The following PAQR5 variants were observed in gnomAD, a reference collection of about 807,000 sequenced individuals.
PAQR5 encodes progestin and adipoQ receptor family member 5.
PAQR5 carries 20 observed loss-of-function variants against 34.5 expected under a neutral mutation model. The observed-to-expected ratio is 0.58, with a 90% CI of 0.41 to 0.84. PAQR5 has a LOEUF of 0.84. Among genes scored for constraint, PAQR5 ranks in the 40% least tolerant of loss-of-function variants. The pLI is 0.00. For missense variants in PAQR5, 378 were observed against 412.7 expected (o/e 0.92, Z 0.73); for synonymous variants, 131 against 155.6 (o/e 0.84, Z 1.18).
chr15:69,403,633 G>C lies in PAQR5; in HGVS notation c.804G>C (p.Gln268His). ...HVCVILATHMQMEAILLDKTL... is the reference protein window; with the variant it reads ...HVCVILATHMHMEAILLDKTL... ...GTGTGATCCTGGCCACGCACATGCA[G>C]ATGGAAGCCATACTTCTGGACAAGA... is the stretch of plus-strand genomic sequence containing the variant. The change falls in exon 9 of 9, where the codon CAG becomes CAC. Residue 268 changes from glutamine (Q) to histidine (H), a missense_variant. Coordinates refer to ENST00000395407, the MANE Select transcript of PAQR5 (RefSeq NM_017705.4). 1 of 1,614,140 alleles carries C rather than the reference G, an allele frequency of 6.2e-7. No homozygotes were observed. The highest frequency in any genetic ancestry group is 8.5e-7 in the Non-Finnish European group (1 of 1,180,004).
Position 69,404,965 on chromosome 15 carries a change from T to C in PAQR5, c.*1143T>C, listed in dbSNP as rs2140285547. On this transcript the variant is annotated 3_prime_UTR_variant, in exon 9 of 9. Transcript: ENST00000395407. ...GAGGCCAAACTTGAAGAACTGCTGG[T>C]GTTACATGTTCCAAAAGGCATTAGA... is the stretch of plus-strand genomic sequence containing the variant. 2.5e-6 allele frequency: 1 copy of C among 398,630 alleles called. No homozygotes were observed. The highest frequency in any genetic ancestry group is 4.4e-5 in the Admixed American group (1 of 22,730). The allele number at this position is 398,630 out of a possible 1,614,324, so 24.7% of individuals were successfully genotyped here. A position where few individuals can be genotyped will look rare whatever the true frequency, so the allele number is the denominator to read the frequency against.
At chr15:69,323,714 A>T (rs985273768) in intron 1 of PAQR5, among the ~76,000 whole-genome samples, 1 of 152,240 alleles carries the variant, frequency 6.6e-6, no homozygotes, top group African/African-American at 2.4e-5. Context: ...ACAGAAAAGG[A>T]GAAAGAGTAA....
chr15:69,388,362 G>C (rs371806826), intron 5 of PAQR5, among the ~76,000 whole-genome samples: 3 of 152,160 alleles, frequency 2.0e-5, no homozygotes, highest in African/African-American at 7.2e-5. Flanking sequence ...GTCAGAATCC[G>C]GGATGACCTA....
At position 69,360,051 on chromosome 15, in the gene PAQR5, A is replaced by G; in HGVS notation, c.-30A>G. ...GGCCTGGTAACAGGGAGGCGCTGTC[A>G]CCTACTGGCCTTGCCAATCCAGCTC... On this transcript the variant is annotated 5_prime_UTR_variant, in exon 3 of 9. Transcript: ENST00000395407. The G allele has an allele frequency of 6.2e-7, 1 of 1,605,250 alleles. No homozygotes were observed. Among genetic ancestry groups the G allele is most frequent in the Non-Finnish European group, 8.5e-7 (1 of 1,172,292 alleles).
At chr15:69,382,766 A>G (rs1245607126) in intron 4 of PAQR5, 1 of 139,640 alleles carries the variant, frequency 7.2e-6, no homozygotes, top group African/African-American at 2.7e-5. Flanking sequence ...ATATGTGTAT[A>G]TATATGTGAC....
intron 1 of PAQR5, among the ~76,000 whole-genome samples, chr15:69,309,348 T>C (rs925028353): frequency 6.6e-6 from 1 of 152,142 alleles, no homozygotes; most frequent in African/African-American, 2.4e-5. Context: ...CGGTGAAGCC[T>C]GTGGAGCACG....
At chr15:69,324,188 G>A (rs1298068541) in intron 1 of PAQR5, among the ~76,000 whole-genome samples, 1 of 150,860 alleles carries the variant, frequency 6.6e-6, no homozygotes, top group Non-Finnish European at 1.5e-5. Flanking sequence ...CCTAAGCCAA[G>A]CTGGGAGGTC....
intron 6 of PAQR5, among the ~76,000 whole-genome samples, chr15:69,395,485 G>C (rs1341430671): frequency 6.6e-6 from 1 of 152,174 alleles, no homozygotes; most frequent in African/African-American, 2.4e-5. Flanking sequence ...GGAGCTCCAC[G>C]ATGCATGTGT....
chr15:69,373,950 G>T (rs983089382), intron 3 of PAQR5, among the ~76,000 whole-genome samples: 13 of 151,882 alleles, frequency 8.6e-5, no homozygotes, highest in African/African-American at 2.9e-4. Flanking sequence ...TTACTTTATT[G>T]TCCATTAAAT....
chr15:69,335,626 T>G (rs925969087), intron 1 of PAQR5, among the ~76,000 whole-genome samples: 1 of 136,326 alleles, frequency 7.3e-6, no homozygotes, highest in East Asian at 2.4e-4. Context: ...CTTGGCTCAC[T>G]GCAACCTCTG....
intron 4 of PAQR5, among the ~76,000 whole-genome samples, chr15:69,384,348 T>C (rs72475953): frequency 0.029 from 2,909 of 99,420 alleles, 116 homozygotes; most frequent in East Asian, 0.1. Context: ...GGAGGGTGAG[T>C]GGGCCCTCCG....
At chr15:69,376,152 C>T (rs1202233339) in intron 3 of PAQR5, among the ~76,000 whole-genome samples, 1 of 152,142 alleles carries the variant, frequency 6.6e-6, no homozygotes. Context: ...CTAAATTGCT[C>T]AGCCTGCAAC....
chr15:69,377,429 A>G (rs1416755966), intron 3 of PAQR5, among the ~76,000 whole-genome samples: 1 of 152,256 alleles, frequency 6.6e-6, no homozygotes, highest in Non-Finnish European at 1.5e-5. Context: ...TCTGTCCACC[A>G]TAAACCGGGG....
In PAQR5 at chr15:69,325,079, A is replaced by T. The variant is rs1358145429; in HGVS notation, c.-276-12262A>T. On this transcript the variant is annotated intron_variant, in intron 1 of 8. Transcript: ENST00000395407. ...ATGCCCGGCTAATTTTTGTATTTTTAGTAGAGACAGGGTTTTGCCATGTTG... is the reference window on the plus strand; with the variant it reads ...ATGCCCGGCTAATTTTTGTATTTTTTGTAGAGACAGGGTTTTGCCATGTTG... 2.0e-5 allele frequency among the ~76,000 whole-genome samples: 3 copies of T among 151,958 alleles called. No individual in the cohort carries two copies. In the East Asian group the frequency reaches 5.8e-4, roughly 29 times the overall value.
chr15:69,339,878 T>C (rs895411365), intron 2 of PAQR5, among the ~76,000 whole-genome samples: 1 of 152,168 alleles, frequency 6.6e-6, no homozygotes, highest in Non-Finnish European at 1.5e-5. Context: ...AACACCTTTT[T>C]TTTGGGGGAC....
chr15:69,379,647 C>T lies in PAQR5; in HGVS notation c.52-236C>T, dbSNP rs1020464030. The T allele has an allele frequency of 5.1e-5, 48 of 943,588 alleles. No individual in the cohort carries two copies. In the Admixed American group the frequency reaches 1.2e-3, roughly 23 times the overall value. The allele number at this position is 943,588 out of a possible 1,614,324, so 58.5% of individuals were successfully genotyped here. ...GGAATGCAAAGACAGGCTGGATTCC[C>T]AAAGGGAGCCTGGCCCTTGAATTCC... On this transcript the variant is annotated intron_variant, in intron 3 of 8. Coordinates refer to ENST00000395407, the MANE Select transcript of PAQR5 (RefSeq NM_017705.4).
intron 1 of PAQR5, among the ~76,000 whole-genome samples, chr15:69,329,463 CTTTTTTTT>C (rs1038357937): frequency 1.1e-4 from 8 of 73,758 alleles, no homozygotes; most frequent in African/African-American, 3.4e-4. Context: ...TTTTTTCTTT[CTTTTTTTT>C]TTTTTTTTTT....
intron 3 of PAQR5, among the ~76,000 whole-genome samples, chr15:69,379,147 T>A (rs2055806783): frequency 6.6e-6 from 1 of 152,220 alleles, no homozygotes; most frequent in African/African-American, 2.4e-5. Flanking sequence ...CACTTATTAT[T>A]GTATCCTGGG....
intron 6 of PAQR5, among the ~76,000 whole-genome samples, chr15:69,390,145 A>G (rs987453075): frequency 6.6e-6 from 1 of 151,952 alleles, no homozygotes; most frequent in Non-Finnish European, 1.5e-5. Context: ...CGTCCCATGT[A>G]GCTGGGATTA....
Sources: gnomAD v4.1 joint callset for allele counts (sites outside exome capture counted in the v4.1 genomes callset) on GRCh38, gnomAD v4.1.1 for gene constraint, MANE v1.5 for transcripts, NCBI Gene and HGNC (gene_info 2026-07-23, HGNC 2026-07-21) for gene names.